PHF12: variants seen among roughly 807,000 people sequenced by gnomAD.
PHF12 encodes PHD finger protein 12.
PHF12 carries 6 observed loss-of-function variants against 99.8 expected under a neutral mutation model. The ratio of observed to expected loss-of-function variants is 0.06; its 90% CI spans 0.03 to 0.12. The LOEUF (loss-of-function observed/expected upper bound fraction) is 0.12. PHF12 is among the 10% of genes least tolerant of loss of function. The pLI, the probability that PHF12 is intolerant of heterozygous loss-of-function variation, is 1.00. For synonymous variants in PHF12, 480 were observed against 514.9 expected (o/e 0.93, Z 0.92); for missense variants, 954 against 1,300.1 (o/e 0.73, Z 4.09).
At chr17:28,941,444 C>A (rs572684061) in intron 2 of PHF12, among the ~76,000 whole-genome samples, 20 of 152,098 alleles carry the variant, frequency 1.3e-4, no homozygotes, top group Admixed American at 4.6e-4. Context: ...ATATTCTCTG[C>A]GCTCTCTTTA....
chr17:28,907,665 G>C lies in PHF12; in HGVS notation c.2466C>G (p.Asp822Glu). 6.2e-7 allele frequency: 1 copy of C among 1,613,754 alleles called. No homozygotes were observed. Among genetic ancestry groups the C allele is most frequent in the Non-Finnish European group, 8.5e-7 (1 of 1,179,764 alleles). The change falls in exon 13 of 15, where the codon GAC becomes GAG. Residue 822 changes from aspartate (D) to glutamate (E), a missense_variant. Coordinates refer to ENST00000332830, the MANE Select transcript of PHF12 (RefSeq NM_001033561.2). ...CATAGTTTGTAAGGCACACATCCATGTCAGCTCCTGCAAGGTGGCAGGAGT... is the reference window on the plus strand; with the variant it reads ...CATAGTTTGTAAGGCACACATCCATCTCAGCTCCTGCAAGGTGGCAGGAGT... ...YRTLYIGTGADMDVCLTNYGH... is the reference protein window; with the variant it reads ...YRTLYIGTGAEMDVCLTNYGH...
At position 28,935,009 on chromosome 17, in the gene PHF12, C is replaced by G. The variant is rs138516882; in HGVS notation, c.249-7946G>C. On this transcript the variant is annotated intron_variant, in intron 2 of 14. Coordinates refer to ENST00000332830, the MANE Select transcript of PHF12 (RefSeq NM_001033561.2). ...CTGGCTTGTCTTGGAAAACTGGTAG[C>G]TTTTTAGCCAACAAGCCAAGGACCT... is the stretch of plus-strand genomic sequence containing the variant. Among the ~76,000 whole-genome samples the G allele has an allele frequency of 9.2e-5, 14 of 152,306 alleles. No individual in the cohort carries two copies. The East Asian group carries it at 2.7e-3, about 29-fold the overall frequency.
chr17:28,931,256 CTTTTTTT>C (rs34710675), intron 2 of PHF12, among the ~76,000 whole-genome samples: 1 of 127,546 alleles, frequency 7.8e-6, no homozygotes, highest in African/African-American at 2.9e-5. Context: ...GCCATCATTC[CTTTTTTT>C]TTTTTTTTTT....
chr17:28,923,347 T>TA (rs1164965284), intron 4 of PHF12, among the ~76,000 whole-genome samples: 3 of 18,280 alleles, frequency 1.6e-4, no homozygotes, highest in African/African-American at 7.2e-4. Context: ...GAATGTATAA[T>TA]ACTTTTTTTT....
rs2040798294 is a variant in PHF12, at chr17:28,950,874, G to A, written c.66+21C>T. ...TTCCCTCCCGGCGCTGGAGGAAGGA[G>A]ATGAGGAGGGCCACTCTTACCTCCA... On this transcript the variant is annotated intron_variant, in intron 1 of 14. Transcript: ENST00000332830. The surrounding 1 kb of genome is among the most constrained non-coding windows in gnomAD (Gnocchi z 5.7). The A allele has an allele frequency of 6.2e-7, 1 of 1,612,400 alleles. No homozygotes were observed. Among genetic ancestry groups the A allele is most frequent in the Non-Finnish European group, 8.5e-7 (1 of 1,179,090 alleles).
At position 28,924,159 on chromosome 17, in the gene PHF12, C is replaced by T; in HGVS notation, c.465G>A (p.Arg155=). 6.2e-7 allele frequency: 1 copy of T among 1,614,202 alleles called. No individual in the cohort carries two copies. The highest frequency in any genetic ancestry group is 8.5e-7 in the Non-Finnish European group (1 of 1,180,038). Residue 155 remains arginine (R), a synonymous_variant, in exon 4 of 15, where the codon CGG becomes CGA. Transcript: ENST00000332830. ...GCCTGCTGGCTCTCCTTTCCAGGAT[C>T]CGGGCATGGGCAATGGCCTTTAGTT... is the stretch of plus-strand genomic sequence containing the variant. ...KTELKAIAHA[R]ILERRASRPG... is the part of the protein sequence containing the mutation.
Position 28,913,070 on chromosome 17 carries a change from T to C in PHF12, c.1501A>G (p.Ser501Gly). 1.2e-6 allele frequency: 2 copies of C among 1,614,120 alleles called. No homozygotes were observed. The highest frequency in any genetic ancestry group is 1.7e-6 in the Non-Finnish European group (2 of 1,179,994). ...GAGCAGCTCAGGGAATTCTGGGTGC[T>C]AATCCCTGAGGGGCAGGACAAGGGG... ...HYPLSCPSGI[S>G]TQNSLSCSPP... The change falls in exon 9 of 15, where the codon AGC (serine) becomes GGC (glycine). Residue 501 changes from serine to glycine, a missense_variant. Physicochemically the swap from Ser to Gly is moderately conservative, Grantham distance 56 (BLOSUM62 0). Around this residue, in one of 8 missense-constraint regions of PHF12, gnomAD observed 392 missense variants for 423.1 expected, o/e 0.93. Transcript: ENST00000332830.
chr17:28,948,277 CCAAA>C lies in PHF12; in HGVS notation c.248+1784_248+1787del, dbSNP rs148450381. ...CTACAACTCAGTCCTGGTATACATA[CCAAA>C]CAAACACACTAAAAAAATGTAAGCA... On this transcript the variant is annotated intron_variant, in intron 2 of 14. Transcript: ENST00000332830. Among the ~76,000 whole-genome samples the C allele has an allele frequency of 2.5e-3, 385 of 152,158 alleles. 2 individuals carry two copies. Among genetic ancestry groups the C allele is most frequent in the African/African-American group, 8.9e-3 (370 of 41,434 alleles).
intron 2 of PHF12, among the ~76,000 whole-genome samples, chr17:28,946,495 T>A (rs1567973467): frequency 6.6e-6 from 1 of 151,982 alleles, no homozygotes; most frequent in Non-Finnish European, 1.5e-5. Context: ...AAAGATCTCC[T>A]GTGGTTTATA....
chr17:28,950,237 C>G lies in PHF12; in HGVS notation c.76G>C (p.Ala26Pro). ...TCCGTCTTGGGGGGAGCCAGCAGAG[C>G]TTGGATTTGCTGCACACACATACAA... The part of the protein sequence containing the change: ...TSGGLMEQIQ[A>P]LLAPPKTDEA... Residue 26 changes from alanine to proline, a missense_variant, in exon 2 of 15, where the codon GCT becomes CCT. This residue lies in a region of PHF12 where 66 missense variants were observed against 69.4 expected (regional missense o/e 0.95). Coordinates refer to ENST00000332830, the MANE Select transcript of PHF12 (RefSeq NM_001033561.2). The surrounding 1 kb of genome is among the most constrained non-coding windows in gnomAD (Gnocchi z 5.7). 2 of 1,608,778 alleles carry G rather than the reference C, an allele frequency of 1.2e-6. No individual in the cohort carries two copies. Among genetic ancestry groups the G allele is most frequent in the Non-Finnish European group, 1.7e-6 (2 of 1,179,756 alleles).
rs748086276 is a variant in PHF12, at chr17:28,910,290, C to A, written c.2295G>T (p.Arg765=). 5 of 1,614,154 alleles carry A rather than the reference C, an allele frequency of 3.1e-6. No homozygotes were observed. Among genetic ancestry groups the A allele is most frequent in the Middle Eastern group, 3.3e-4 (2 of 6,054 alleles). Residue 765 remains arginine, a synonymous_variant, in exon 11 of 15, where the codon CGG becomes CGT. Coordinates refer to ENST00000332830, the MANE Select transcript of PHF12 (RefSeq NM_001033561.2). ...LQRIHQLFPS[R]VQPSPGSVGT... ...CGACACTGCCCGGTGAAGGTTGGAC[C>A]CGGGAGGGGAAAAGCTGATGTATTC...
chr17:28,943,714 A>G (rs1246451189), intron 2 of PHF12, among the ~76,000 whole-genome samples: 1 of 152,218 alleles, frequency 6.6e-6, no homozygotes, highest in African/African-American at 2.4e-5. Context: ...CATTATTTAC[A>G]ACACCAAAAA....
At chr17:28,923,261 A>G (rs145458203) in intron 4 of PHF12, among the ~76,000 whole-genome samples, 1 of 152,308 alleles carries the variant, frequency 6.6e-6, no homozygotes, top group Non-Finnish European at 1.5e-5. Flanking sequence ...GGAAGGTGGA[A>G]AGTAGGCAAA....
At position 28,949,864 on chromosome 17, in the gene PHF12, C is replaced by A. The variant is rs1024332817; in HGVS notation, c.248+201G>T. Reference sequence around the variant, plus strand: ...TCGTCCCAACCCCCACCTCGGGGTCCGGACCCACCGCTGCTCCTCCCCGCT... The same window carrying A: ...TCGTCCCAACCCCCACCTCGGGGTCAGGACCCACCGCTGCTCCTCCCCGCT... On this transcript the variant is annotated intron_variant, in intron 2 of 14. Coordinates refer to ENST00000332830, the MANE Select transcript of PHF12 (RefSeq NM_001033561.2). This position sits in a 1 kb window ranked among gnomAD's most constrained non-coding sequence, Gnocchi z 4.6. The A allele has an allele frequency of 1.7e-6, 1 of 597,800 alleles. No individual in the cohort carries two copies. The allele number at this position is 597,800 out of a possible 1,614,324, so 37.0% of individuals were successfully genotyped here. A position where few individuals can be genotyped will look rare whatever the true frequency, so the allele number is the denominator to read the frequency against.
chr17:28,915,996 G>C (rs1464014241), intron 7 of PHF12, among the ~76,000 whole-genome samples: 1 of 152,186 alleles, frequency 6.6e-6, no homozygotes, highest in East Asian at 1.9e-4. Flanking sequence ...ACACAGTCTG[G>C]ATTACTTTTA....
At position 28,935,139 on chromosome 17, in the gene PHF12, G is replaced by A. The variant is rs576777820; in HGVS notation, c.249-8076C>T. The stretch of plus-strand genomic sequence containing the variant: ...AGTGCCCTATGAAGACAGAGCTCTT[G>A]CAGAGTATCTTCCCATTTTCACTGC... On this transcript the variant is annotated intron_variant, in intron 2 of 14. Transcript: ENST00000332830. Among the ~76,000 whole-genome samples the A allele has an allele frequency of 2.0e-5, 3 of 152,314 alleles. No homozygotes were observed. The East Asian group carries it at 5.8e-4, about 29-fold the overall frequency.
intron 2 of PHF12, among the ~76,000 whole-genome samples, chr17:28,948,281 A>C (rs1322898528): frequency 6.6e-6 from 1 of 151,332 alleles, no homozygotes; most frequent in Non-Finnish European, 1.5e-5. Context: ...TACATACCAA[A>C]CAAACACACT....
At position 28,917,294 on chromosome 17, in the gene PHF12, T is replaced by G. The variant is rs1480149937; in HGVS notation, c.1125A>C (p.Arg375Ser). Residue 375 changes from arginine to serine, a missense_variant, in exon 7 of 15, where the codon AGA becomes AGC. Arg to Ser is a moderately radical substitution (Grantham distance 110). Transcript: ENST00000332830. Reference sequence around the variant, plus strand: ...CCTGATTGTGACTCACCTTCAAGCTTCTTCTTTTGACCGACTGGAGCACAC... The same window carrying G: ...CCTGATTGTGACTCACCTTCAAGCTGCTTCTTTTGACCGACTGGAGCACAC... ...NRRVLQSVKR[R>S]SLKVPDAIKS... The G allele has an allele frequency of 3.1e-6, 5 of 1,613,726 alleles. No individual in the cohort carries two copies. The highest frequency in any genetic ancestry group is 1.7e-5 in the Admixed American group (1 of 60,022).
At chr17:28,917,175 C>T in intron 7 of PHF12, 110 bp downstream of exon 7, 1 of 1,460,680 alleles carries the variant, frequency 6.8e-7, no homozygotes. Context: ...CACCACAAAC[C>T]TATTTCTGGG....
Sources: allele counts gnomAD v4.1 joint callset (sites outside exome capture counted in the v4.1 genomes callset), GRCh38; gene constraint gnomAD v4.1.1; regional missense constraint gnomAD v4.1.1; non-coding constraint Gnocchi (gnomAD v3.1); transcripts MANE v1.5; gene names NCBI Gene and HGNC (gene_info 2026-07-23, HGNC 2026-07-21).